CPEB4: variants seen among roughly 807,000 people sequenced by gnomAD.
CPEB4 encodes the protein cytoplasmic polyadenylation element binding protein 4.
In CPEB4, 12 loss-of-function variants were observed where a neutral mutation model predicts 72.5. The observed-to-expected ratio is 0.17, with a 90% CI of 0.11 to 0.27. The LOEUF (loss-of-function observed/expected upper bound fraction) is 0.27, where lower values mean the gene tolerates loss of function less well. Ranked by LOEUF, CPEB4 falls within the 10% of genes least tolerant of loss-of-function variation. The pLI, the probability that CPEB4 is intolerant of heterozygous loss-of-function variation, is 1.00. For synonymous variants in CPEB4, 302 were observed against 326.3 expected (o/e 0.93, Z 0.80); for missense variants, 614 against 908.5 (o/e 0.68, Z 4.17).
intron 3 of CPEB4, among the ~76,000 whole-genome samples, chr5:173,938,089 T>C (rs1167876556): frequency 1.3e-5 from 2 of 152,250 alleles, no homozygotes; most frequent in Non-Finnish European, 2.9e-5. Context: ...TTTATTCTTT[T>C]GTTCACAGAT....
chr5:173,908,673 A>AAAAAAAAT (rs1240125456), intron 1 of CPEB4, among the ~76,000 whole-genome samples: 1 of 151,886 alleles, frequency 6.6e-6, no homozygotes, highest in Non-Finnish European at 1.5e-5. Flanking sequence ...AGGTCCATCC[A>AAAAAAAAT]AAAAAAATAA....
intron 2 of CPEB4, among the ~76,000 whole-genome samples, chr5:173,928,798 G>A (rs2113227459): frequency 6.6e-6 from 1 of 152,322 alleles, no homozygotes; most frequent in South Asian, 2.1e-4. Context: ...GAAATGATAT[G>A]TGTTATCCAT....
chr5:173,927,785 A>C (rs538866642), intron 2 of CPEB4, among the ~76,000 whole-genome samples: 39 of 152,346 alleles, frequency 2.6e-4, no homozygotes, highest in African/African-American at 9.4e-4. Context: ...TAAAAAAAAA[A>C]AAGATAGATT....
chr5:173,949,902 C>A, intron 6 of CPEB4, 58 bp from the exon 7 acceptor site: 2 of 1,190,432 alleles, frequency 1.7e-6, no homozygotes, highest in South Asian at 1.3e-5. Context: ...TTCCTTTCCC[C>A]TGAAGAATTA....
intron 2 of CPEB4, among the ~76,000 whole-genome samples, chr5:173,917,844 G>A (rs1756927796): frequency 6.6e-6 from 1 of 152,178 alleles, no homozygotes; most frequent in Admixed American, 6.5e-5. Flanking sequence ...TGTGTCTGGC[G>A]AATTGAGGGA....
chr5:173,913,174 A>T (rs1756729595), intron 2 of CPEB4, among the ~76,000 whole-genome samples: 1 of 152,014 alleles, frequency 6.6e-6, no homozygotes, highest in Non-Finnish European at 1.5e-5. Flanking sequence ...CTTAGGTTAG[A>T]TAAAAGAGTT....
At chr5:173,908,019 A>G (rs1004910658) in intron 1 of CPEB4, among the ~76,000 whole-genome samples, 1 of 152,238 alleles carries the variant, frequency 6.6e-6, no homozygotes, top group Non-Finnish European at 1.5e-5. Context: ...GGAGATGGAA[A>G]TGGATGGCCC....
At position 173,955,981 on chromosome 5, in the gene CPEB4, A is replaced by G. The variant is rs778328574; in HGVS notation, c.2034A>G (p.Lys678=). The change falls in exon 10 of 10, where the codon AAA becomes AAG. Residue 678 remains lysine, a synonymous_variant. Transcript: ENST00000265085. The surrounding 1 kb of genome is among the most constrained non-coding windows in gnomAD (Gnocchi z 4.7). The part of the protein sequence containing the change: ...DECQGARCGG[K]FAPFFCANVT... ...GTCAGGGGGCCCGTTGTGGGGGGAAATTTGCTCCATTTTTCTGTGCTAATG... is the reference window on the plus strand; with the variant it reads ...GTCAGGGGGCCCGTTGTGGGGGGAAGTTTGCTCCATTTTTCTGTGCTAATG... 3 of 1,613,930 alleles carry G rather than the reference A, an allele frequency of 1.9e-6. No individual in the cohort carries two copies. Among genetic ancestry groups the G allele is most frequent in the Non-Finnish European group, 2.5e-6 (3 of 1,179,984 alleles).
intron 5 of CPEB4, 95 bp downstream of exon 5, chr5:173,945,235 A>G (rs1581164390): frequency 2.9e-6 from 3 of 1,046,230 alleles, no homozygotes; most frequent in East Asian, 2.4e-5. Flanking sequence ...ATCTGGCTCC[A>G]ATAGTCAGCC....
At chr5:173,905,924 G>T (rs1756419945) in intron 1 of CPEB4, among the ~76,000 whole-genome samples, 1 of 152,172 alleles carries the variant, frequency 6.6e-6, no homozygotes, top group Non-Finnish European at 1.5e-5. Context: ...AGGTATAAAG[G>T]ACGAAAGTGC....
Position 173,949,977 on chromosome 5 carries a change from T to C in CPEB4, c.1564T>C (p.Phe522Leu). 6.2e-7 allele frequency: 1 copy of C among 1,609,118 alleles called. No individual in the cohort carries two copies. Among genetic ancestry groups the C allele is most frequent in the Middle Eastern group, 1.7e-4 (1 of 6,048 alleles). ...TTTTCCAGGCTATGCATTCCTGCTG[T>C]TTCAAGATGAAAGCTCTGTGCAGGC... ...FPPKGYAFLLFQDESSVQALI... is the reference protein window; with the variant it reads ...FPPKGYAFLLLQDESSVQALI... The change falls in exon 7 of 10, where the codon TTT becomes CTT. Residue 522 changes from phenylalanine (F) to leucine (L), a missense_variant. Physicochemically the swap from Phe to Leu is conservative, Grantham distance 22. Coordinates refer to ENST00000265085, the MANE Select transcript of CPEB4 (RefSeq NM_030627.4).
intron 3 of CPEB4, among the ~76,000 whole-genome samples, chr5:173,935,203 GA>G (rs1304094573): frequency 2.6e-5 from 4 of 152,132 alleles, no homozygotes; most frequent in Admixed American, 1.3e-4. Flanking sequence ...AAATATATAA[GA>G]AAAAAATACA....
At chr5:173,930,214 C>T (rs777310049) in intron 2 of CPEB4, among the ~76,000 whole-genome samples, 8 of 152,134 alleles carry the variant, frequency 5.3e-5, no homozygotes, top group Non-Finnish European at 8.8e-5. Flanking sequence ...TGCACCACCA[C>T]GCCTGGCTAA....
intron 1 of CPEB4, among the ~76,000 whole-genome samples, chr5:173,897,916 A>G (rs1407402524): frequency 1.3e-5 from 2 of 152,212 alleles, no homozygotes; most frequent in African/African-American, 2.4e-5. Context: ...TGGTACCACA[A>G]AAGGCAAACT....
At chr5:173,943,459 TTC>T (rs1757916483) in intron 4 of CPEB4, among the ~76,000 whole-genome samples, 1 of 152,174 alleles carries the variant, frequency 6.6e-6, no homozygotes, top group African/African-American at 2.4e-5. Flanking sequence ...GTCAACTTTT[TTC>T]TTTTCTTTTT....
Position 173,956,050 on chromosome 5 carries a change from C to A in CPEB4, c.2103C>A (p.Ile701=), listed in dbSNP as rs1368618763. ...QYYCEYCWAA[I]HSRAGREFHK... Reference sequence around the variant, plus strand: ...ACTGTGAATATTGCTGGGCTGCTATCCATTCTCGTGCTGGCAGGGAATTCC... The same window carrying A: ...ACTGTGAATATTGCTGGGCTGCTATACATTCTCGTGCTGGCAGGGAATTCC... Residue 701 remains isoleucine, a synonymous_variant, in exon 10 of 10, where the codon ATC becomes ATA. Transcript: ENST00000265085. The A allele has an allele frequency of 6.2e-7, 1 of 1,614,154 alleles. No homozygotes were observed. Among genetic ancestry groups the A allele is most frequent in the South Asian group, 1.1e-5 (1 of 91,082 alleles).
At chr5:173,947,308 C>T (rs566426609) in intron 5 of CPEB4, among the ~76,000 whole-genome samples, 76 of 151,938 alleles carry the variant, frequency 5.0e-4, no homozygotes, top group Non-Finnish European at 8.8e-4. Flanking sequence ...TCCCTTTTTC[C>T]TCTCCCTCTA....
At chr5:173,927,256 A>G (rs911848769) in intron 2 of CPEB4, among the ~76,000 whole-genome samples, 3 of 152,216 alleles carry the variant, frequency 2.0e-5, no homozygotes, top group African/African-American at 7.2e-5. Flanking sequence ...TTATTTTATT[A>G]TACTTTACTT....
intron 2 of CPEB4, among the ~76,000 whole-genome samples, chr5:173,930,056 GT>G (rs748066839): frequency 9.2e-4 from 130 of 141,658 alleles, no homozygotes; most frequent in Non-Finnish European, 9.6e-4. Context: ...CACCTCCCAA[GT>G]TTTTTTTTTT....
Sources: allele counts gnomAD v4.1 joint callset (sites outside exome capture counted in the v4.1 genomes callset), GRCh38; gene constraint gnomAD v4.1.1; non-coding constraint Gnocchi (gnomAD v3.1); transcripts MANE v1.5; gene names NCBI Gene and HGNC (gene_info 2026-07-23, HGNC 2026-07-21).